LPP: variants seen among roughly 807,000 people sequenced by gnomAD.
The protein encoded by LPP is LIM domain containing preferred translocation partner in lipoma, also known as lipoma-preferred partner.
Under a neutral mutation model 60.4 loss-of-function variants are expected in LPP, and 38 were observed. The observed-to-expected ratio is 0.63, with a 90% CI of 0.49 to 0.83. The LOEUF (loss-of-function observed/expected upper bound fraction) is 0.83, where lower values mean the gene tolerates loss of function less well. Ranked by LOEUF, LPP falls within the 40% of genes least tolerant of loss-of-function variation. The pLI is 0.00. For synonymous variants in LPP, 328 were observed against 290.8 expected (o/e 1.13, Z -1.30); for missense variants, 902 against 783.6 (o/e 1.15, Z -1.80).
intron 2 of LPP, among the ~76,000 whole-genome samples, chr3:188,313,894 T>A (rs182051682): frequency 9.8e-5 from 15 of 152,328 alleles, no homozygotes; most frequent in Non-Finnish European, 1.3e-4. Flanking sequence ...CTAGTTAATG[T>A]AATTATTTTC....
At chr3:188,311,203 T>C (rs1270501859) in intron 2 of LPP, among the ~76,000 whole-genome samples, 1 of 152,056 alleles carries the variant, frequency 6.6e-6, no homozygotes. Context: ...TCTCTCTCTC[T>C]CTGTCTACTG....
chr3:188,212,057 C>A (rs537426834), intron 1 of LPP, among the ~76,000 whole-genome samples: 2 of 152,100 alleles, frequency 1.3e-5, no homozygotes, highest in Non-Finnish European at 2.9e-5. Flanking sequence ...CCAGTTTTCA[C>A]CATGTTGGCC....
chr3:188,853,699 C>T (rs901883964), intron 9 of LPP, among the ~76,000 whole-genome samples: 1 of 152,108 alleles, frequency 6.6e-6, no homozygotes, highest in Non-Finnish European at 1.5e-5. Flanking sequence ...ATAAACTGAT[C>T]GTCTTTGGTA....
intron 6 of LPP, among the ~76,000 whole-genome samples, chr3:188,551,275 T>A: frequency 6.6e-6 from 1 of 151,972 alleles, no homozygotes; most frequent in Non-Finnish European, 1.5e-5. Context: ...GATAAAACCA[T>A]CAGATCTCAT....
chr3:188,393,445 T>C (rs2148710026), intron 3 of LPP, among the ~76,000 whole-genome samples: 1 of 152,240 alleles, frequency 6.6e-6, no homozygotes, highest in Non-Finnish European at 1.5e-5. Flanking sequence ...GCTTTAGCCA[T>C]ATGGAACTTC....
At chr3:188,568,724 GA>G (rs1355372572) in intron 6 of LPP, 1 of 151,994 alleles carries the variant, frequency 6.6e-6, no homozygotes, top group Non-Finnish European at 1.5e-5. Context: ...AAACTTGTAG[GA>G]GTTTGCGAGG....
chr3:188,491,341 T>G (rs1225043597), intron 5 of LPP, among the ~76,000 whole-genome samples: 3 of 152,178 alleles, frequency 2.0e-5, no homozygotes, highest in Admixed American at 2.0e-4. Context: ...TAGTGGACAG[T>G]GTTGCCAGGG....
chr3:188,703,935 T>C (rs1389338352), intron 7 of LPP, among the ~76,000 whole-genome samples: 3 of 152,176 alleles, frequency 2.0e-5, no homozygotes, highest in Admixed American at 6.5e-5. Context: ...GAAACTGATA[T>C]TAGGTTGAGA....
intron 3 of LPP, among the ~76,000 whole-genome samples, chr3:188,373,220 C>T (rs1773831140): frequency 6.6e-6 from 1 of 152,124 alleles, no homozygotes; most frequent in African/African-American, 2.4e-5. Flanking sequence ...GGGTATAAAC[C>T]CAGTAATGGG....
At chr3:188,221,195 C>G (rs1041793607) in intron 1 of LPP, among the ~76,000 whole-genome samples, 18 of 152,274 alleles carry the variant, frequency 1.2e-4, no homozygotes, top group African/African-American at 4.3e-4. Flanking sequence ...CTTCTCAAGG[C>G]CTTTGCACAT....
chr3:188,336,941 G>A (rs938362548), intron 2 of LPP, among the ~76,000 whole-genome samples: 18 of 152,166 alleles, frequency 1.2e-4, no homozygotes, highest in African/African-American at 4.1e-4. Flanking sequence ...GGCAGCCCAG[G>A]TACCATTTCC....
At position 188,441,609 on chromosome 3, in the gene LPP, C is replaced by CTTTTTTTTTTTTTTTTTTT. The variant is rs1004222826; in HGVS notation, c.193+35307_193+35325dup. ...ACAGTTTCTTTTTTTCTTTTCTTTT[C>CTTTTTTTTTTTTTTTTTTT]TTTTTTTTTTTTTTTTTTTTTTTTT... is the stretch of plus-strand genomic sequence containing the variant. On this transcript the variant is annotated intron_variant, in intron 4 of 11. Coordinates refer to ENST00000617246, the MANE Select transcript of LPP (RefSeq NM_001375462.1). Among the ~76,000 whole-genome samples the CTTTTTTTTTTTTTTTTTTT allele has an allele frequency of 1.7e-3, 95 of 55,620 alleles. 13 individuals are homozygous for CTTTTTTTTTTTTTTTTTTT. Among genetic ancestry groups the CTTTTTTTTTTTTTTTTTTT allele is most frequent in the African/African-American group, 2.0e-3 (27 of 13,334 alleles). The allele number at this position is 55,620 out of a possible 152,430, so 36.5% of individuals were successfully genotyped here.
intron 7 of LPP, among the ~76,000 whole-genome samples, chr3:188,627,194 T>G (rs897352936): frequency 5.3e-5 from 8 of 152,140 alleles, no homozygotes; most frequent in Non-Finnish European, 7.4e-5. Context: ...CAAGGACACC[T>G]TTAAGTACAT....
intron 2 of LPP, among the ~76,000 whole-genome samples, chr3:188,296,145 T>G (rs1286659900): frequency 6.6e-6 from 1 of 152,128 alleles, no homozygotes; most frequent in Admixed American, 6.5e-5. Flanking sequence ...ACATAATAAG[T>G]TCCCACTAAA....
At chr3:188,318,806 T>TGCGGACTGC (rs1755989564) in intron 2 of LPP, among the ~76,000 whole-genome samples, 1 of 139,626 alleles carries the variant, frequency 7.2e-6, no homozygotes, top group South Asian at 2.4e-4. Context: ...TCGCCCAGGC[T>TGCGGACTGC]GGAGTGCAGT....
At chr3:188,402,939 A>G (rs1215717630) in intron 3 of LPP, among the ~76,000 whole-genome samples, 1 of 152,214 alleles carries the variant, frequency 6.6e-6, no homozygotes, top group Non-Finnish European at 1.5e-5. Context: ...TAGAACGTGA[A>G]GAGAGGGAAA....
chr3:188,522,905 T>C (rs1819380805), intron 5 of LPP, among the ~76,000 whole-genome samples: 1 of 149,010 alleles, frequency 6.7e-6, no homozygotes, highest in Non-Finnish European at 1.5e-5. Context: ...TGTGTGTATA[T>C]ACATATATGT....
At chr3:188,822,474 A>G (rs1479368340) in intron 9 of LPP, among the ~76,000 whole-genome samples, 2 of 152,110 alleles carry the variant, frequency 1.3e-5, no homozygotes, top group Non-Finnish European at 2.9e-5. Flanking sequence ...TTTATGGGAT[A>G]CCTGGAAAAT....
At chr3:188,462,531 A>G (rs1799203378) in intron 4 of LPP, among the ~76,000 whole-genome samples, 1 of 121,648 alleles carries the variant, frequency 8.2e-6, no homozygotes. Flanking sequence ...AATTTAGCCA[A>G]TTTATATGAG....
Sources: gnomAD v4.1 joint callset for allele counts (sites outside exome capture counted in the v4.1 genomes callset) on GRCh38, gnomAD v4.1.1 for gene constraint, MANE v1.5 for transcripts, NCBI Gene and HGNC (gene_info 2026-07-23, HGNC 2026-07-21) for gene names.